MBTD1: variants seen among roughly 807,000 people sequenced by gnomAD.
The protein encoded by MBTD1 is mbt domain containing 1.
A neutral mutation model predicts 87.8 loss-of-function variants in MBTD1; 24 were observed. That is an observed-to-expected ratio of 0.27 (90% CI 0.20 to 0.38). The LOEUF (loss-of-function observed/expected upper bound fraction) is 0.38. MBTD1 is among the 10% of genes least tolerant of loss of function. The probability of loss-of-function intolerance (pLI) is 1.00; values close to 1 mark genes in which losing one functional copy is unlikely to be tolerated. For missense variants in MBTD1, 436 were observed against 760.2 expected, an observed-to-expected ratio of 0.57 and a Z score of 5.02; for synonymous variants, 237 against 248.6, an observed-to-expected ratio of 0.95 and a Z score of 0.44.
chr17:51,184,854 T>TCTTTATGTTC (rs1376583422), intron 16 of MBTD1: 1 of 152,230 alleles, frequency 6.6e-6, no homozygotes, highest in East Asian at 1.9e-4. Flanking sequence ...ACAGGAACGC[T>TCTTTATGTTC]CTTTAGACTT....
intron 2 of MBTD1, among the ~76,000 whole-genome samples, chr17:51,247,787 C>T (rs2054534366): frequency 6.6e-6 from 1 of 152,302 alleles, no homozygotes; most frequent in East Asian, 1.9e-4. Flanking sequence ...ATTAGCTTTC[C>T]ATTTTCTATA....
chr17:51,206,873 A>G lies in MBTD1; in HGVS notation c.604+15T>C. ...TCTCTGCATTTTCTACTAAACTATT[A>G]TTCATGCTTTTCACCTGCTAATTTT... On this transcript the variant is annotated intron_variant, in intron 7 of 16. Coordinates refer to ENST00000586178, the MANE Select transcript of MBTD1 (RefSeq NM_017643.3). The G allele has an allele frequency of 6.7e-7, 1 of 1,499,216 alleles. No homozygotes were observed. Among genetic ancestry groups the G allele is most frequent in the Non-Finnish European group, 9.3e-7 (1 of 1,076,154 alleles). 92.9% of individuals were successfully genotyped at this position (1,499,216 alleles called of 1,614,324 possible). A position where few individuals can be genotyped will look rare whatever the true frequency, so the allele number is the denominator to read the frequency against.
At chr17:51,259,280 T>G in intron 1 of MBTD1, 74 bp from the exon 2 acceptor site, 3 of 1,230,906 alleles carry the variant, frequency 2.4e-6, no homozygotes, top group Non-Finnish European at 3.0e-6. Context: ...GAAACCCTTT[T>G]AAATATGCAG....
At chr17:51,229,463 A>G (rs570852721) in intron 2 of MBTD1, among the ~76,000 whole-genome samples, 2 of 152,266 alleles carry the variant, frequency 1.3e-5, no homozygotes, top group Non-Finnish European at 2.9e-5. Context: ...AAAACCATCC[A>G]CATGTCATTG....
intron 2 of MBTD1, among the ~76,000 whole-genome samples, chr17:51,238,011 T>C (rs74493551): frequency 0.098 from 14,920 of 152,224 alleles, 1,109 homozygotes; most frequent in African/African-American, 0.2. Flanking sequence ...CAAAAACGTC[T>C]TACTGTATGA....
At chr17:51,200,304 G>A (rs1294742935) in intron 12 of MBTD1, among the ~76,000 whole-genome samples, 6 of 152,072 alleles carry the variant, frequency 3.9e-5, no homozygotes, top group African/African-American at 1.2e-4. Context: ...GCTCCTGCCT[G>A]TAATCCCAGC....
At chr17:51,241,225 T>G (rs2144026147) in intron 2 of MBTD1, among the ~76,000 whole-genome samples, 1 of 152,258 alleles carries the variant, frequency 6.6e-6, no homozygotes, top group African/African-American at 2.4e-5. Context: ...CCTCCTGCCT[T>G]GGCCTCCCAA....
chr17:51,181,893 G>A (rs1344138814), intron 16 of MBTD1, among the ~76,000 whole-genome samples: 1 of 152,276 alleles, frequency 6.6e-6, no homozygotes, highest in South Asian at 2.1e-4. Context: ...CCAAAGTGCT[G>A]GGATTACAGG....
chr17:51,199,044 C>T (rs2051306700), intron 12 of MBTD1, among the ~76,000 whole-genome samples: 1 of 150,810 alleles, frequency 6.6e-6, no homozygotes, highest in South Asian at 2.1e-4. Context: ...GATCCACCTG[C>T]CTTGGAGTCC....
chr17:51,189,876 G>T (rs1243530913), intron 16 of MBTD1, among the ~76,000 whole-genome samples: 1 of 152,108 alleles, frequency 6.6e-6, no homozygotes, highest in Non-Finnish European at 1.5e-5. Context: ...GGCTGGTTTG[G>T]CAATGCTCCC....
rs563439223 is a variant in MBTD1, at chr17:51,180,234, C to A, written c.*342G>T. On this transcript the variant is annotated 3_prime_UTR_variant, in exon 17 of 17. Coordinates refer to ENST00000586178, the MANE Select transcript of MBTD1 (RefSeq NM_017643.3). ...TTTAACAGCTATATCCTTCTTAAAT[C>A]ATTTCCTTCAATCCTGCTACCTAAA... is the stretch of plus-strand genomic sequence containing the variant. 14 of 193,422 alleles carry A rather than the reference C, an allele frequency of 7.2e-5. No individual in the cohort carries two copies. Among genetic ancestry groups the A allele is most frequent in the Non-Finnish European group, 1.4e-4 (13 of 95,628 alleles). The allele number at this position is 193,422 out of a possible 1,614,324, so 12.0% of individuals were successfully genotyped here. A position where few individuals can be genotyped will look rare whatever the true frequency, so the allele number is the denominator to read the frequency against.
At chr17:51,222,312 G>C (rs1039343022) in intron 3 of MBTD1, among the ~76,000 whole-genome samples, 4 of 152,196 alleles carry the variant, frequency 2.6e-5, no homozygotes, top group African/African-American at 9.6e-5. Context: ...ACACTAACAG[G>C]AGCTAACACA....
intron 12 of MBTD1, among the ~76,000 whole-genome samples, chr17:51,196,896 GA>G (rs1018325816): frequency 6.6e-6 from 1 of 150,594 alleles, no homozygotes; most frequent in Non-Finnish European, 1.5e-5. Flanking sequence ...TTTCAAAGGG[GA>G]AAAAAAATTT....
Position 51,180,504 on chromosome 17 carries a change from G to C in MBTD1, c.*72C>G. 1.5e-6 allele frequency: 1 copy of C among 684,826 alleles called. No individual in the cohort carries two copies. Among genetic ancestry groups the C allele is most frequent in the Non-Finnish European group, 2.4e-6 (1 of 419,880 alleles). The allele number at this position is 684,826 out of a possible 1,614,324, so 42.4% of individuals were successfully genotyped here. A position where few individuals can be genotyped will look rare whatever the true frequency, so the allele number is the denominator to read the frequency against. ...AAATGTCCCAGTAGAGTAGCCCCCT[G>C]TACAGCTGGATTGATTATAAATCAG... On this transcript the variant is annotated 3_prime_UTR_variant, in exon 17 of 17. Transcript: ENST00000586178.
intron 2 of MBTD1, among the ~76,000 whole-genome samples, chr17:51,239,257 TAC>T (rs941508443): frequency 6.6e-6 from 1 of 152,212 alleles, no homozygotes; most frequent in African/African-American, 2.4e-5. Flanking sequence ...TATCAACTAA[TAC>T]ACTTTTTATT....
At chr17:51,249,987 T>C (rs1031572229) in intron 2 of MBTD1, 1 of 152,166 alleles carries the variant, frequency 6.6e-6, no homozygotes, top group Non-Finnish European at 1.5e-5. Flanking sequence ...CTTGACCTCC[T>C]GGGCTCAAAT....
At chr17:51,198,781 G>A (rs76913716) in intron 12 of MBTD1, among the ~76,000 whole-genome samples, 1 of 152,192 alleles carries the variant, frequency 6.6e-6, no homozygotes, top group Non-Finnish European at 1.5e-5. Context: ...TAGACATGGA[G>A]TCGATCATGG....
chr17:51,227,778 C>T (rs2053313838), intron 2 of MBTD1, among the ~76,000 whole-genome samples: 2 of 151,438 alleles, frequency 1.3e-5, no homozygotes, highest in South Asian at 4.2e-4. Context: ...GGGGAAATCC[C>T]GTCTCTACTA....
intron 2 of MBTD1, among the ~76,000 whole-genome samples, chr17:51,246,937 G>A (rs922683547): frequency 6.6e-6 from 1 of 152,028 alleles, no homozygotes; most frequent in East Asian, 1.9e-4. Flanking sequence ...ACTGCACCTG[G>A]CCATTTGTTT....
Sources: allele counts gnomAD v4.1 joint callset (sites outside exome capture counted in the v4.1 genomes callset), GRCh38; gene constraint gnomAD v4.1.1; transcripts MANE v1.5; gene names NCBI Gene and HGNC (gene_info 2026-07-23, HGNC 2026-07-21).